RAB39A: variants seen among roughly 807,000 people sequenced by gnomAD.
RAB39A encodes ras-related protein Rab-39A.
A neutral mutation model predicts 20.9 loss-of-function variants in RAB39A; 17 were observed. The ratio of observed to expected loss-of-function variants is 0.81; its 90% CI spans 0.56 to 1.22. The LOEUF (loss-of-function observed/expected upper bound fraction) is 1.22, where lower values mean the gene tolerates loss of function less well. Among genes scored for constraint, RAB39A ranks in the 50% most tolerant of loss-of-function variants. The probability of loss-of-function intolerance (pLI) is 0.00; values close to 1 mark genes in which losing one functional copy is unlikely to be tolerated. For synonymous variants in RAB39A, 99 were observed against 103.4 expected (o/e 0.96, Z 0.26); for missense variants, 234 against 270.5 (o/e 0.87, Z 0.95).
intron 1 of RAB39A, among the ~76,000 whole-genome samples, chr11:107,948,286 C>CA (rs1395562061): frequency 2.0e-5 from 3 of 152,042 alleles, no homozygotes; most frequent in Non-Finnish European, 4.4e-5. Flanking sequence ...GAAAATTTAG[C>CA]AAAAAGGAGA....
intron 1 of RAB39A, among the ~76,000 whole-genome samples, chr11:107,944,000 C>T (rs990941372): frequency 6.6e-6 from 1 of 151,616 alleles, no homozygotes; most frequent in Admixed American, 6.6e-5. Context: ...GATGCTGAGG[C>T]AGGAGAATTG....
At chr11:107,953,735 C>G (rs956330802) in intron 1 of RAB39A, among the ~76,000 whole-genome samples, 2 of 152,172 alleles carry the variant, frequency 1.3e-5, no homozygotes, top group African/African-American at 4.8e-5. Context: ...CCCTTTGCTT[C>G]CCACACCACA....
chr11:107,949,835 A>G (rs911815014), intron 1 of RAB39A, among the ~76,000 whole-genome samples: 4 of 152,204 alleles, frequency 2.6e-5, no homozygotes, highest in African/African-American at 9.7e-5. Context: ...GCAAAGTACG[A>G]TTTAAATTAC....
chr11:107,949,899 G>A (rs530642808), intron 1 of RAB39A, among the ~76,000 whole-genome samples: 36 of 152,218 alleles, frequency 2.4e-4, no homozygotes, highest in African/African-American at 7.2e-4. Context: ...TTGGCCGGGC[G>A]CGGTGGCTCA....
chr11:107,956,410 G>A (rs921229363), intron 1 of RAB39A, among the ~76,000 whole-genome samples: 6 of 152,198 alleles, frequency 3.9e-5, no homozygotes, highest in African/African-American at 1.4e-4. Context: ...CATGGATCCA[G>A]AAAGAGGAAA....
At chr11:107,934,698 G>T (rs1359540716) in intron 1 of RAB39A, among the ~76,000 whole-genome samples, 1 of 151,776 alleles carries the variant, frequency 6.6e-6, no homozygotes, top group East Asian at 2.0e-4. Context: ...AGGCCAAGGC[G>T]AGTGGATCAC....
intron 1 of RAB39A, among the ~76,000 whole-genome samples, chr11:107,944,906 C>G (rs931552388): frequency 6.6e-6 from 1 of 151,926 alleles, no homozygotes; most frequent in African/African-American, 2.4e-5. Flanking sequence ...CCAGCCAGGC[C>G]AGGCATGATG....
At chr11:107,934,912 A>C (rs1861178264) in intron 1 of RAB39A, among the ~76,000 whole-genome samples, 1 of 146,656 alleles carries the variant, frequency 6.8e-6, no homozygotes, top group Non-Finnish European at 1.5e-5. Context: ...CTGGGGGACA[A>C]GAGCGAGACT....
intron 1 of RAB39A, among the ~76,000 whole-genome samples, chr11:107,947,889 G>A (rs933559691): frequency 1.4e-5 from 2 of 147,530 alleles, no homozygotes; most frequent in Non-Finnish European, 3.0e-5. Context: ...TGTGAGAGCA[G>A]AATAAATCAA....
At chr11:107,942,682 T>G (rs977343651) in intron 1 of RAB39A, among the ~76,000 whole-genome samples, 1 of 152,122 alleles carries the variant, frequency 6.6e-6, no homozygotes, top group Admixed American at 6.6e-5. Context: ...GCCTTATAGT[T>G]TATTAGTGGT....
chr11:107,932,806 G>C (rs1239982855), intron 1 of RAB39A, among the ~76,000 whole-genome samples: 1 of 152,132 alleles, frequency 6.6e-6, no homozygotes, highest in African/African-American at 2.4e-5. Context: ...TGCCTCCCAG[G>C]TTCAAGCAAT....
intron 1 of RAB39A, among the ~76,000 whole-genome samples, chr11:107,946,804 C>T (rs1861323899): frequency 6.6e-6 from 1 of 151,312 alleles, no homozygotes; most frequent in Admixed American, 6.6e-5. Context: ...AAAGATTATT[C>T]TGTCTGGGCA....
chr11:107,938,568 A>AG lies in RAB39A; in HGVS notation c.227+9773_227+9774insG, dbSNP rs1277134025. On this transcript the variant is annotated intron_variant, in intron 1 of 1. Transcript: ENST00000320578. ...AACATAGTGAGACCTCGTCTATAAA[A>AG]AAAAAAAAAAAAAAAAAATTAGGTG... is the stretch of plus-strand genomic sequence containing the variant. Among the ~76,000 whole-genome samples the AG allele has an allele frequency of 5.7e-3, 843 of 147,776 alleles. 5 individuals are homozygous for AG. The highest frequency in any genetic ancestry group is 0.02 in the African/African-American group (802 of 40,178).
intron 1 of RAB39A, among the ~76,000 whole-genome samples, chr11:107,944,781 G>A (rs1861293051): frequency 6.6e-6 from 1 of 152,172 alleles, no homozygotes; most frequent in African/African-American, 2.4e-5. Flanking sequence ...CTGTGCCTAG[G>A]GTGATGACCA....
Position 107,928,740 on chromosome 11 carries a change from C to T in RAB39A, c.172C>T (p.Pro58Ser), listed in dbSNP as rs2134942449. ...DFFSRLLEIEPGKRIKLQLWD... is the reference protein window; with the variant it reads ...DFFSRLLEIESGKRIKLQLWD... ...CTTCTCCCGCCTGCTGGAGATCGAGCCGGGCAAGAGGATCAAGCTACAGCT... is the reference window on the plus strand; with the variant it reads ...CTTCTCCCGCCTGCTGGAGATCGAGTCGGGCAAGAGGATCAAGCTACAGCT... The change falls in exon 1 of 2, where the codon CCG becomes TCG. Residue 58 changes from proline to serine, a missense_variant. Pro to Ser is a moderately conservative substitution (Grantham distance 74). Coordinates refer to ENST00000320578, the MANE Select transcript of RAB39A (RefSeq NM_017516.3). This position sits in a 1 kb window ranked among gnomAD's most constrained non-coding sequence, Gnocchi z 4.9. 1.2e-6 allele frequency: 2 copies of T among 1,608,172 alleles called. No individual in the cohort carries two copies. The highest frequency in any genetic ancestry group is 1.1e-5 in the South Asian group (1 of 90,206).
At chr11:107,939,615 A>G (rs1257798868) in intron 1 of RAB39A, among the ~76,000 whole-genome samples, 1 of 136,114 alleles carries the variant, frequency 7.3e-6, no homozygotes, top group Non-Finnish European at 1.6e-5. Flanking sequence ...ATCTCAAAGA[A>G]AAAAAAAAAG....
At chr11:107,946,424 GTGTGTGTGTGTGTATATA>G (rs1400972832) in intron 1 of RAB39A, among the ~76,000 whole-genome samples, 50 of 19,048 alleles carry the variant, frequency 2.6e-3, no homozygotes, top group East Asian at 9.6e-3. Flanking sequence ...GTGTGTGTGT[GTGTGTGTGTGTGTATATA>G]TATATATATA....
chr11:107,962,218 C>T lies in RAB39A; in HGVS notation c.500C>T (p.Ser167Phe), dbSNP rs754679607. 1 of 1,613,984 alleles carries T rather than the reference C, an allele frequency of 6.2e-7. No individual in the cohort carries two copies. The highest frequency in any genetic ancestry group is 1.7e-5 in the Admixed American group (1 of 60,004). The part of the protein sequence containing the change: ...SAKDATNVEE[S>F]FTILTRDIYE... The stretch of plus-strand genomic sequence containing the variant: ...AAGGATGCTACAAATGTTGAAGAAT[C>T]CTTCACAATCTTGACGAGAGACATA... The change falls in exon 2 of 2, where the codon TCC (serine) becomes TTC (phenylalanine). Residue 167 changes from serine (S) to phenylalanine (F), a missense_variant. Physicochemically the swap from Ser to Phe is radical, Grantham distance 155 (BLOSUM62 -2). Coordinates refer to ENST00000320578, the MANE Select transcript of RAB39A (RefSeq NM_017516.3).
chr11:107,953,365 A>T (rs737173), intron 1 of RAB39A, among the ~76,000 whole-genome samples: 37,596 of 152,084 alleles, frequency 0.25, 4,798 homozygotes, highest in Middle Eastern at 0.34. Context: ...AAAGAGAGTT[A>T]GTAGAAGAAT....
Sources: gnomAD v4.1 joint callset for allele counts (sites outside exome capture counted in the v4.1 genomes callset) on GRCh38, gnomAD v4.1.1 for gene constraint, Gnocchi (gnomAD v3.1) non-coding constraint, MANE v1.5 for transcripts, NCBI Gene and HGNC (gene_info 2026-07-23, HGNC 2026-07-21) for gene names.